CCDC18: variants seen among roughly 807,000 people sequenced by gnomAD.
CCDC18 encodes the protein coiled-coil domain containing 18, also known as coiled-coil domain-containing protein 18.
In CCDC18, 157 loss-of-function variants were observed where a neutral mutation model predicts 196.0. The ratio of observed to expected loss-of-function variants is 0.80; its 90% CI spans 0.70 to 0.91. The LOEUF is 0.91. Ranked by LOEUF, CCDC18 falls within the 40% of genes least tolerant of loss-of-function variation. The pLI, the probability that CCDC18 is intolerant of heterozygous loss-of-function variation, is 0.00. For synonymous variants in CCDC18, 482 were observed against 529.2 expected (o/e 0.91, Z 1.22); for missense variants, 1,465 against 1,611.6 (o/e 0.91, Z 1.56).
At chr1:93,262,347 C>T (rs1257851681) in intron 26 of CCDC18, 1 of 151,898 alleles carries the variant, frequency 6.6e-6, no homozygotes, top group East Asian at 1.9e-4. Flanking sequence ...TGAGACAAGC[C>T]TTCCATCTAT....
chr1:93,264,960 T>C (rs1309318837), intron 27 of CCDC18, 59 bp downstream of exon 27: 2 of 1,205,072 alleles, frequency 1.7e-6, no homozygotes, highest in African/African-American at 1.5e-5. Flanking sequence ...GTCTGACTTA[T>C]TTACCTGTCT....
At chr1:93,261,068 G>A (rs554481983) in intron 26 of CCDC18, among the ~76,000 whole-genome samples, 4 of 152,272 alleles carry the variant, frequency 2.6e-5, no homozygotes, top group African/African-American at 9.6e-5. Context: ...GAATAGTGCT[G>A]CAATAAACAT....
At chr1:93,233,409 T>C (rs775351991) in intron 18 of CCDC18, among the ~76,000 whole-genome samples, 15 of 152,252 alleles carry the variant, frequency 9.9e-5, no homozygotes, top group African/African-American at 1.7e-4. Flanking sequence ...TATTTTGTTT[T>C]TTCTTTGAAA....
intron 10 of CCDC18, among the ~76,000 whole-genome samples, chr1:93,211,663 A>C (rs552272511): frequency 7.9e-5 from 12 of 152,304 alleles, no homozygotes; most frequent in African/African-American, 2.9e-4. Flanking sequence ...GATAGAGTAG[A>C]TTAACAAATG....
chr1:93,212,056 A>T, intron 10 of CCDC18, 45 bp from the exon 11 acceptor site: 1 of 1,514,788 alleles, frequency 6.6e-7, no homozygotes. Context: ...GAGTTTTTTT[A>T]TAGAATCTTT....
intron 18 of CCDC18, 37 bp from the exon 19 acceptor site, chr1:93,236,211 C>T: frequency 1.3e-6 from 2 of 1,519,096 alleles, no homozygotes; most frequent in Non-Finnish European, 8.8e-7. Flanking sequence ...TATTTTTCTT[C>T]TGAATTTAAA....
intron 7 of CCDC18, among the ~76,000 whole-genome samples, chr1:93,204,214 A>G (rs949335114): frequency 1.3e-5 from 2 of 152,188 alleles, no homozygotes; most frequent in African/African-American, 4.8e-5. Context: ...ATGCAAGATG[A>G]TAGTCCAAGA....
chr1:93,219,547 G>A (rs1176186310), intron 14 of CCDC18, among the ~76,000 whole-genome samples: 3 of 152,174 alleles, frequency 2.0e-5, no homozygotes, highest in Non-Finnish European at 2.9e-5. Flanking sequence ...AGTGACTAAC[G>A]AGCAGGTAGC....
chr1:93,208,699 G>A (rs1425301713), intron 9 of CCDC18, among the ~76,000 whole-genome samples: 2 of 149,924 alleles, frequency 1.3e-5, no homozygotes, highest in African/African-American at 4.9e-5. Flanking sequence ...ATGGAGTCTC[G>A]CTTTGTCGCC....
intron 19 of CCDC18, 57 bp from the exon 20 acceptor site, chr1:93,239,253 G>A (rs3904666): frequency 0.1 from 134,633 of 1,307,560 alleles, 8,827 homozygotes; most frequent in East Asian, 0.29. Context: ...TTTAGTCAGA[G>A]ACAAGTTAGT....
chr1:93,233,786 C>T (rs555708765), intron 18 of CCDC18, among the ~76,000 whole-genome samples: 4 of 152,244 alleles, frequency 2.6e-5, no homozygotes, highest in African/African-American at 9.6e-5. Flanking sequence ...TTAGTAGAGA[C>T]AGGGTTTCTC....
intron 28 of CCDC18, among the ~76,000 whole-genome samples, chr1:93,276,207 C>T (rs1205742150): frequency 6.6e-6 from 1 of 152,200 alleles, no homozygotes; most frequent in African/African-American, 2.4e-5. Context: ...TGTTAGCTCC[C>T]TTGTGTTGCA....
intron 21 of CCDC18, among the ~76,000 whole-genome samples, chr1:93,240,101 T>C (rs1321009398): frequency 6.6e-6 from 1 of 152,216 alleles, no homozygotes; most frequent in Non-Finnish European, 1.5e-5. Context: ...CTTTAGACCA[T>C]TTTATACTAG....
chr1:93,278,647 A>G lies in CCDC18; in HGVS notation c.*170A>G. The G allele has an allele frequency of 3.0e-6, 1 of 333,166 alleles. No homozygotes were observed. Among genetic ancestry groups the G allele is most frequent in the East Asian group, 4.4e-5 (1 of 22,642 alleles). The allele number at this position is 333,166 out of a possible 1,614,324, so 20.6% of individuals were successfully genotyped here. ...TAAAACTTAATTATATTTTTAAAGA[A>G]AATTTATTATTTTATTTATTGTTTT... On this transcript the variant is annotated 3_prime_UTR_variant, in exon 29 of 29. Coordinates refer to ENST00000690025, the MANE Select transcript of CCDC18 (RefSeq NM_001378204.1).
At chr1:93,203,214 G>A (rs1177282834) in intron 7 of CCDC18, among the ~76,000 whole-genome samples, 4 of 152,162 alleles carry the variant, frequency 2.6e-5, no homozygotes, top group African/African-American at 9.6e-5. Context: ...TTAGAAGCGG[G>A]CAGTATGAGA....
upstream of CCDC18, chr1:93,180,448 T>A (rs560053007): frequency 2.3e-5 from 31 of 1,366,632 alleles, no homozygotes; most frequent in Non-Finnish European, 3.0e-5. Flanking sequence ...CTAGCAGTCC[T>A]ATTCCGCAAC....
At chr1:93,260,933 G>C (rs955016659) in intron 26 of CCDC18, among the ~76,000 whole-genome samples, 1 of 152,130 alleles carries the variant, frequency 6.6e-6, no homozygotes, top group African/African-American at 2.4e-5. Flanking sequence ...CCATGTCCCT[G>C]CAAAGGACGT....
chr1:93,265,559 T>C (rs752372363), intron 27 of CCDC18, among the ~76,000 whole-genome samples: 5 of 152,226 alleles, frequency 3.3e-5, no homozygotes, highest in Non-Finnish European at 7.3e-5. Context: ...TGTACAGTCC[T>C]ATTCTGTGCC....
intron 9 of CCDC18, among the ~76,000 whole-genome samples, chr1:93,209,827 CCAAGGTG>C (rs1655311088): frequency 1.3e-5 from 2 of 152,126 alleles, no homozygotes; most frequent in East Asian, 3.9e-4. Flanking sequence ...TTTTGGCAGG[CCAAGGTG>C]AGAGGAACTC....
Sources: allele counts gnomAD v4.1 joint callset (sites outside exome capture counted in the v4.1 genomes callset), GRCh38; gene constraint gnomAD v4.1.1; transcripts MANE v1.5; gene names NCBI Gene and HGNC (gene_info 2026-07-23, HGNC 2026-07-21).